The following RGS6 variants were observed in gnomAD, a reference collection of about 807,000 sequenced individuals.
The protein encoded by RGS6 is regulator of G-protein signaling 6.
In RGS6, 30 loss-of-function variants were observed where a neutral mutation model predicts 78.5. That is an observed-to-expected ratio of 0.38 (90% confidence interval 0.29 to 0.52). RGS6 has a LOEUF of 0.52. Ranked by LOEUF, RGS6 falls within the 20% of genes least tolerant of loss-of-function variation. RGS6 has a pLI of 0.85. For synonymous variants in RGS6, 206 were observed against 206.0 expected, an observed-to-expected ratio of 1.00 and a Z score of 0.00; for missense variants, 495 against 609.7, an observed-to-expected ratio of 0.81 and a Z score of 1.98.
At chr14:72,476,935 G>A in intron 11 of RGS6, 95 bp downstream of exon 11, 1 of 1,144,516 alleles carries the variant, frequency 8.7e-7, no homozygotes. Flanking sequence ...CAAGCTTTGA[G>A]TTCCTGGAAA....
At position 72,506,782 on chromosome 14, in the gene RGS6, A is replaced by T. The variant is rs567304376; in HGVS notation, c.966-3372A>T. On this transcript the variant is annotated intron_variant, in intron 13 of 17. Coordinates refer to ENST00000553525, the MANE Select transcript of RGS6 (RefSeq NM_001204424.2). ...TTATTTGGAAATAGAGTTGTTGCAG[A>T]TGCAGTTAGTTAAGATGAGGTCGTA... 2.0e-5 allele frequency among the ~76,000 whole-genome samples: 3 copies of T among 152,188 alleles called. No homozygotes were observed. In the East Asian group the frequency reaches 5.8e-4, roughly 29 times the overall value.
intron 2 of RGS6, among the ~76,000 whole-genome samples, chr14:72,257,095 A>G (rs847233): frequency 0.97 from 147,139 of 152,288 alleles, 71,102 homozygotes; most frequent in East Asian, 1. Flanking sequence ...CAAGATAAGG[A>G]GCCACTGTGT....
intron 2 of RGS6, among the ~76,000 whole-genome samples, chr14:72,021,753 T>G (rs561071174): frequency 7.9e-5 from 12 of 152,040 alleles, no homozygotes; most frequent in Admixed American, 2.6e-4. Context: ...ATTACAGGTG[T>G]GGGCCACTGC....
At chr14:72,319,288 T>C (rs78720753) in intron 2 of RGS6, among the ~76,000 whole-genome samples, 2,497 of 151,600 alleles carry the variant, frequency 0.016, 30 homozygotes, top group African/African-American at 0.028. Flanking sequence ...AGGGGTAATA[T>C]GGTGACGTGA....
In RGS6 at chr14:72,133,284, AT is replaced by A. The variant is rs200722236; in HGVS notation, c.84+168418del. Reference sequence around the variant, plus strand: ...CTCCTCCACATTCCCAATTCCTTCAATTTTTTTTTCCTCTCTAATCTGCTGT... The same window carrying A: ...CTCCTCCACATTCCCAATTCCTTCAATTTTTTTTCCTCTCTAATCTGCTGT... On this transcript the variant is annotated intron_variant, in intron 2 of 17. Transcript: ENST00000553525. Among the ~76,000 whole-genome samples the A allele has an allele frequency of 1.8e-3, 275 of 150,654 alleles. 1 individual carries two copies. The highest frequency in any genetic ancestry group is 1.3e-3 in the South Asian group (6 of 4,730).
chr14:72,253,880 C>A (rs369724284), intron 2 of RGS6, among the ~76,000 whole-genome samples: 1 of 152,190 alleles, frequency 6.6e-6, no homozygotes, highest in South Asian at 2.1e-4. Context: ...TATATAACTG[C>A]GCCTATCTGT....
intron 17 of RGS6, among the ~76,000 whole-genome samples, chr14:72,542,979 G>C (rs907259373): frequency 2.0e-5 from 3 of 152,188 alleles, no homozygotes; most frequent in Non-Finnish European, 4.4e-5. Context: ...AGTCAATAGA[G>C]GAAGTGCTGT....
chr14:72,152,483 AT>A, intron 2 of RGS6, among the ~76,000 whole-genome samples: 1 of 152,276 alleles, frequency 6.6e-6, no homozygotes, highest in Middle Eastern at 3.4e-3. Context: ...CAGCAATTGA[AT>A]GAGACCACTT....
chr14:72,510,857 G>T (rs534583409), intron 14 of RGS6, among the ~76,000 whole-genome samples: 2 of 152,284 alleles, frequency 1.3e-5, no homozygotes, highest in East Asian at 1.9e-4. Context: ...CTGATCATCT[G>T]ACGCCAGTGA....
At chr14:72,078,182 A>C (rs2094660934) in intron 2 of RGS6, among the ~76,000 whole-genome samples, 1 of 151,994 alleles carries the variant, frequency 6.6e-6, no homozygotes, top group Non-Finnish European at 1.5e-5. Flanking sequence ...TTCTCATGGG[A>C]TCTGGTTGTT....
intron 2 of RGS6, among the ~76,000 whole-genome samples, chr14:72,311,315 A>T (rs769779584): frequency 1.3e-5 from 2 of 152,210 alleles, no homozygotes; most frequent in African/African-American, 4.8e-5. Context: ...GATTTTTATC[A>T]CACAATCTCA....
intron 17 of RGS6, chr14:72,550,769 C>T (rs2097494468): frequency 1.3e-6 from 1 of 742,412 alleles, no homozygotes. Flanking sequence ...TTCAGCTTCA[C>T]ATCTCATTCT....
intron 2 of RGS6, among the ~76,000 whole-genome samples, chr14:72,124,355 C>T (rs2096134098): frequency 6.6e-6 from 1 of 152,106 alleles, no homozygotes; most frequent in Admixed American, 6.6e-5. Context: ...CAAAGATAGG[C>T]TTAATCAAGG....
At chr14:72,000,649 A>G (rs1319047821) in intron 2 of RGS6, among the ~76,000 whole-genome samples, 1 of 152,174 alleles carries the variant, frequency 6.6e-6, no homozygotes, top group Non-Finnish European at 1.5e-5. Flanking sequence ...TGTAGTAGGC[A>G]GGGTAGTGAG....
intron 7 of RGS6, among the ~76,000 whole-genome samples, chr14:72,468,982 G>A (rs770059416): frequency 6.6e-6 from 1 of 152,096 alleles, no homozygotes; most frequent in Non-Finnish European, 1.5e-5. Flanking sequence ...AAAATACATA[G>A]CATAATATGG....
At position 72,348,055 on chromosome 14, in the gene RGS6, T is replaced by C. The variant is rs190229884; in HGVS notation, c.85-4040T>C. Among the ~76,000 whole-genome samples the C allele has an allele frequency of 1.2e-3, 189 of 152,354 alleles. 2 individuals carry two copies. The highest frequency in any genetic ancestry group is 8.5e-3 in the South Asian group (41 of 4,820). On this transcript the variant is annotated intron_variant, in intron 2 of 17. Transcript: ENST00000553525. The stretch of plus-strand genomic sequence containing the variant: ...CAAACAAAGCACTAACCTTGGCATA[T>C]GGCGCTGCGAGAAGTTTCCTAGGAT...
chr14:72,612,011 A>T, the RGS6 span, among the ~76,000 whole-genome samples: 3 of 152,310 alleles, frequency 2.0e-5, no homozygotes, highest in African/African-American at 7.2e-5. Flanking sequence ...TCCAGCCCCT[A>T]CAGGACCTAG....
the RGS6 span, among the ~76,000 whole-genome samples, chr14:71,876,473 C>CTTTTTTTTTT: frequency 4.1e-5 from 3 of 72,494 alleles, 1 homozygote; most frequent in African/African-American, 1.2e-4. Context: ...GCAACCGCTG[C>CTTTTTTTTTT]TTTTTTTTTT....
intron 2 of RGS6, among the ~76,000 whole-genome samples, chr14:72,162,368 G>A (rs149672): frequency 0.68 from 103,623 of 151,988 alleles, 35,488 homozygotes; most frequent in African/African-American, 0.73. Context: ...GATTTTCACA[G>A]CAAAGATAAG....
Sources: allele counts gnomAD v4.1 joint callset (sites outside exome capture counted in the v4.1 genomes callset), GRCh38; gene constraint gnomAD v4.1.1; transcripts MANE v1.5; gene names NCBI Gene and HGNC (gene_info 2026-07-23, HGNC 2026-07-21).